Variants in VPS4B observed in about 807,000 individuals in gnomAD.
VPS4B encodes the protein vacuolar protein sorting-associated protein 4B.
A neutral mutation model predicts 56.1 loss-of-function variants in VPS4B; 23 were observed. The observed-to-expected ratio is 0.41, with a 90% CI of 0.30 to 0.58. The LOEUF (loss-of-function observed/expected upper bound fraction) is 0.58, where lower values mean the gene tolerates loss of function less well. VPS4B is among the 20% of genes least tolerant of loss of function. The pLI, the probability that VPS4B is intolerant of heterozygous loss-of-function variation, is 0.29. For synonymous variants in VPS4B, 177 were observed against 186.0 expected (o/e 0.95, Z 0.39); for missense variants, 372 against 531.9 (o/e 0.70, Z 2.96).
chr18:63,390,323 C>A lies in VPS4B; in HGVS notation c.*652G>T, dbSNP rs779777861. ...TCCTGACCTCAGGTGATCCACCCAT[C>A]GTAGCCTCCCAAAGTGCTGGGATTA... On this transcript the variant is annotated 3_prime_UTR_variant, in exon 11 of 11. Coordinates refer to ENST00000238497, the MANE Select transcript of VPS4B (RefSeq NM_004869.4). 4 of 152,544 alleles carry A rather than the reference C, an allele frequency of 2.6e-5. No homozygotes were observed. The highest frequency in any genetic ancestry group is 9.7e-5 in the African/African-American group (4 of 41,446). 9.4% of individuals were successfully genotyped at this position (152,544 alleles called of 1,614,324 possible). A position where few individuals can be genotyped will look rare whatever the true frequency, so the allele number is the denominator to read the frequency against.
At chr18:63,402,591 G>T (rs955562847) in intron 5 of VPS4B, among the ~76,000 whole-genome samples, 8 of 151,966 alleles carry the variant, frequency 5.3e-5, no homozygotes, top group Non-Finnish European at 8.8e-5. Context: ...AATAAGCAAA[G>T]AAAAATATTA....
At chr18:63,399,931 A>G (rs1915773523) in intron 7 of VPS4B, 117 bp downstream of exon 7, 7 of 873,738 alleles carry the variant, frequency 8.0e-6, no homozygotes, top group African/African-American at 1.8e-5. Flanking sequence ...AGGCATGAGA[A>G]TTGCTTGAAC....
At chr18:63,410,911 C>T (rs144427516) in intron 2 of VPS4B, among the ~76,000 whole-genome samples, 224 of 152,268 alleles carry the variant, frequency 1.5e-3, no homozygotes, top group African/African-American at 4.9e-3. Context: ...ATACCAACAT[C>T]GTAAATTTTA....
intron 9 of VPS4B, chr18:63,396,766 A>G: frequency 2.6e-6 from 1 of 380,056 alleles, no homozygotes; most frequent in Non-Finnish European, 4.8e-6. Flanking sequence ...AGGTGGGTGG[A>G]TCACCTGGAG....
At position 63,397,146 on chromosome 18, in the gene VPS4B, C is replaced by T. The variant is rs753679036; in HGVS notation, c.980G>A (p.Arg327Gln). 24 of 1,614,138 alleles carry T rather than the reference C, an allele frequency of 1.5e-5. No homozygotes were observed. The highest frequency in any genetic ancestry group is 1.2e-4 in the South Asian group (11 of 91,086). ...ACCATCTGTTTTCCTCCCAAGTTCCCGAAAGTCTGCTTCCGTGAGACTGTT... is the reference window on the plus strand; with the variant it reads ...ACCATCTGTTTTCCTCCCAAGTTCCTGAAAGTCTGCTTCCGTGAGACTGTT... ...TQNSLTEADF[R>Q]ELGRKTDGYS... Residue 327 changes from arginine (R) to glutamine (Q), a missense_variant, in exon 9 of 11, where the codon CGG becomes CAG. Coordinates refer to ENST00000238497, the MANE Select transcript of VPS4B (RefSeq NM_004869.4).
At chr18:63,398,056 A>G (rs1915710726) in intron 8 of VPS4B, among the ~76,000 whole-genome samples, 1 of 152,168 alleles carries the variant, frequency 6.6e-6, no homozygotes, top group Non-Finnish European at 1.5e-5. Context: ...AAATGAATGT[A>G]ATACAGAACT....
At chr18:63,407,214 GC>G in intron 4 of VPS4B, among the ~76,000 whole-genome samples, 1 of 152,244 alleles carries the variant, frequency 6.6e-6, no homozygotes, top group South Asian at 2.1e-4. Context: ...CAGATGTGAA[GC>G]CAACAAAACT....
chr18:63,408,201 G>C (rs1306120280), intron 3 of VPS4B, among the ~76,000 whole-genome samples: 1 of 152,218 alleles, frequency 6.6e-6, no homozygotes, highest in Non-Finnish European at 1.5e-5. Flanking sequence ...TGTAGAAATA[G>C]TTTATTGGAA....
chr18:63,397,946 T>G (rs1044073448), intron 8 of VPS4B, among the ~76,000 whole-genome samples: 1 of 152,096 alleles, frequency 6.6e-6, no homozygotes, highest in Admixed American at 6.6e-5. Context: ...CACATTTCCT[T>G]TCTTGGTACT....
chr18:63,407,894 A>T (rs117689446), intron 3 of VPS4B, among the ~76,000 whole-genome samples: 1,591 of 152,352 alleles, frequency 0.01, 15 homozygotes, highest in Admixed American at 0.017. Context: ...ACAAGAGGTC[A>T]TATTAGGAGG....
intron 1 of VPS4B, 77 bp from the exon 2 acceptor site, chr18:63,411,655 G>GT (rs11383277): frequency 0.43 from 317,984 of 743,874 alleles, 25,373 homozygotes; most frequent in East Asian, 0.58. Flanking sequence ...CATACTGAAA[G>GT]TTTTTTTTTT....
intron 1 of VPS4B, 148 bp downstream of exon 1, chr18:63,422,085 C>T (rs1916316301): frequency 4.7e-6 from 4 of 842,606 alleles, no homozygotes; most frequent in Non-Finnish European, 6.7e-6. Flanking sequence ...ACGGGCCCCT[C>T]TCCCACCTGC....
chr18:63,419,703 A>G (rs1916251718), intron 1 of VPS4B, among the ~76,000 whole-genome samples: 1 of 152,232 alleles, frequency 6.6e-6, no homozygotes, highest in African/African-American at 2.4e-5. Context: ...ATATGAACTG[A>G]AGTGAATGAC....
chr18:63,395,765 C>T (rs1339331538), intron 9 of VPS4B, among the ~76,000 whole-genome samples: 1 of 152,170 alleles, frequency 6.6e-6, no homozygotes, highest in African/African-American at 2.4e-5. Context: ...ATCTCAAGAC[C>T]ACAGCCTTCT....
intron 2 of VPS4B, among the ~76,000 whole-genome samples, chr18:63,410,789 C>G (rs1916023603): frequency 1.3e-5 from 2 of 152,102 alleles, no homozygotes; most frequent in African/African-American, 4.8e-5. Context: ...TAGACAAACC[C>G]AATTATAAAA....
At chr18:63,392,658 C>T (rs563921840) in intron 10 of VPS4B, among the ~76,000 whole-genome samples, 1 of 151,950 alleles carries the variant, frequency 6.6e-6, no homozygotes, top group African/African-American at 2.4e-5. Flanking sequence ...CCGTGTTGGC[C>T]AGGATGGTCT....
chr18:63,409,386 A>G (rs1289629500), intron 3 of VPS4B, among the ~76,000 whole-genome samples: 2 of 152,200 alleles, frequency 1.3e-5, no homozygotes, highest in Non-Finnish European at 2.9e-5. Flanking sequence ...TATTGTCTAA[A>G]TAACCTGCGC....
chr18:63,396,949 C>T, intron 9 of VPS4B, 85 bp downstream of exon 9: 1 of 1,338,042 alleles, frequency 7.5e-7, no homozygotes, highest in Non-Finnish European at 1.0e-6. Context: ...CAGATAGTGC[C>T]ACTGCACTCC....
intron 10 of VPS4B, among the ~76,000 whole-genome samples, chr18:63,392,364 T>G (rs937876117): frequency 6.6e-6 from 1 of 152,246 alleles, no homozygotes; most frequent in African/African-American, 2.4e-5. Flanking sequence ...CTACAATATT[T>G]AAACTTTCTA....
Sources: gnomAD v4.1 joint callset for allele counts (sites outside exome capture counted in the v4.1 genomes callset) on GRCh38, gnomAD v4.1.1 for gene constraint, MANE v1.5 for transcripts, NCBI Gene and HGNC (gene_info 2026-07-23, HGNC 2026-07-21) for gene names.